Variants in C2orf76 observed in about 807,000 individuals in gnomAD.
C2orf76 encodes the protein chromosome 2 open reading frame 76.
In C2orf76, 23 loss-of-function variants were observed where a neutral mutation model predicts 16.9. The ratio of observed to expected loss-of-function variants is 1.36; its 90% confidence interval spans 0.98 to 1.93. C2orf76 has a LOEUF of 1.93. C2orf76 is among the 30% of genes most tolerant of loss of function. The pLI is 0.00. For synonymous variants in C2orf76, 48 were observed against 52.3 expected (o/e 0.92, Z 0.35); for missense variants, 152 against 152.6 (o/e 1.00, Z 0.02).
At chr2:119,342,751 G>GTTGT (rs112996931) in intron 1 of C2orf76, among the ~76,000 whole-genome samples, 20,887 of 151,528 alleles carry the variant, frequency 0.14, 1,893 homozygotes, top group African/African-American at 0.26. Context: ...AGGTATATGG[G>GTTGT]TTGTTTGTTT....
At chr2:119,361,943 G>A (rs1203003171) in intron 1 of C2orf76, among the ~76,000 whole-genome samples, 1 of 152,126 alleles carries the variant, frequency 6.6e-6, no homozygotes, top group Non-Finnish European at 1.5e-5. Flanking sequence ...GCCTAGGCTG[G>A]AGTGTAGTGG....
intron 4 of C2orf76, among the ~76,000 whole-genome samples, chr2:119,316,012 G>A (rs544272779): frequency 1.3e-5 from 2 of 152,316 alleles, no homozygotes; most frequent in South Asian, 4.1e-4. Context: ...GCCAAATGAT[G>A]TAGAACATGC....
At chr2:119,307,952 C>T (rs1315077689) in intron 5 of C2orf76, among the ~76,000 whole-genome samples, 2 of 152,160 alleles carry the variant, frequency 1.3e-5, no homozygotes, top group Admixed American at 6.5e-5. Flanking sequence ...CACATCACTC[C>T]GGATGCCTTC....
intron 5 of C2orf76, among the ~76,000 whole-genome samples, chr2:119,309,638 T>A (rs1356851302): frequency 1.3e-5 from 2 of 152,076 alleles, no homozygotes; most frequent in Non-Finnish European, 2.9e-5. Flanking sequence ...CAAGCTGGTC[T>A]CGAATTCCTG....
the C2orf76 span, among the ~76,000 whole-genome samples, chr2:119,292,488 G>A: frequency 2.6e-5 from 4 of 152,000 alleles, no homozygotes; most frequent in South Asian, 2.1e-4. Context: ...GCAGTGACCC[G>A]AGTCAGACCG....
At chr2:119,334,703 A>ATAT (rs376852438) in intron 2 of C2orf76, among the ~76,000 whole-genome samples, 22,318 of 145,814 alleles carry the variant, frequency 0.15, 1,891 homozygotes, top group Non-Finnish European at 0.2. Context: ...AAAAAAACAA[A>ATAT]ATATATATAT....
intron 2 of C2orf76, among the ~76,000 whole-genome samples, chr2:119,334,114 T>A (rs1414951353): frequency 1.3e-5 from 2 of 151,938 alleles, no homozygotes; most frequent in African/African-American, 4.8e-5. Flanking sequence ...TATTTCTAAG[T>A]AAAAGAAGCC....
upstream of C2orf76, chr2:119,366,863 C>G (rs187270866): frequency 1.7e-4 from 127 of 741,880 alleles, no homozygotes; most frequent in African/African-American, 1.8e-3. Context: ...GCGGGGCTAG[C>G]GCCGCGGCGG....
intron 2 of C2orf76, among the ~76,000 whole-genome samples, chr2:119,334,692 G>GA (rs371801316): frequency 0.25 from 32,402 of 129,146 alleles, 3,969 homozygotes; most frequent in Middle Eastern, 0.29. Context: ...CTCTCTCTCA[G>GA]AAAAAAACAA....
At chr2:119,283,388 C>A in the C2orf76 span, among the ~76,000 whole-genome samples, 1 of 152,222 alleles carries the variant, frequency 6.6e-6, no homozygotes, top group African/African-American at 2.4e-5. Context: ...GCCCTTCCTG[C>A]CTCCTCCTTC....
chr2:119,365,854 A>C (rs925614867), intron 1 of C2orf76, among the ~76,000 whole-genome samples: 4 of 151,970 alleles, frequency 2.6e-5, no homozygotes, highest in African/African-American at 9.7e-5. Flanking sequence ...CCTCTTTTCA[A>C]ACCCTTTTAC....
chr2:119,290,592 G>A, the C2orf76 span, among the ~76,000 whole-genome samples: 1 of 152,060 alleles, frequency 6.6e-6, no homozygotes, highest in East Asian at 1.9e-4. Flanking sequence ...CACTTTGGGA[G>A]GCGAAGGCGG....
intron 4 of C2orf76, among the ~76,000 whole-genome samples, chr2:119,312,416 T>C (rs1370107287): frequency 2.0e-5 from 3 of 151,938 alleles, no homozygotes; most frequent in Non-Finnish European, 4.4e-5. Context: ...GCCTGGCTAA[T>C]TTTTTTTATT....
chr2:119,366,652 A>C (rs1681016324), intron 1 of C2orf76, 138 bp downstream of exon 1: 3 of 419,788 alleles, frequency 7.1e-6, no homozygotes, highest in African/African-American at 6.2e-5. Context: ...AAAGAAAAGA[A>C]ACATAAGGAC....
intron 1 of C2orf76, among the ~76,000 whole-genome samples, chr2:119,344,914 G>A (rs1680150608): frequency 6.6e-6 from 1 of 152,070 alleles, no homozygotes; most frequent in East Asian, 1.9e-4. Flanking sequence ...CAAATTAGTG[G>A]GGAAAAGATA....
intron 3 of C2orf76, among the ~76,000 whole-genome samples, chr2:119,320,634 C>T (rs1243111374): frequency 6.6e-6 from 1 of 152,124 alleles, no homozygotes; most frequent in Non-Finnish European, 1.5e-5. Context: ...AAAATGTCTG[C>T]ACCAATTAAG....
chr2:119,352,425 A>G (rs1054023681), intron 1 of C2orf76, among the ~76,000 whole-genome samples: 3 of 152,230 alleles, frequency 2.0e-5, no homozygotes, highest in African/African-American at 7.2e-5. Flanking sequence ...CTATCTTACT[A>G]TGTAAACAAG....
intron 2 of C2orf76, among the ~76,000 whole-genome samples, chr2:119,324,612 A>T (rs922106915): frequency 2.0e-5 from 3 of 152,196 alleles, no homozygotes; most frequent in Non-Finnish European, 4.4e-5. Flanking sequence ...AATATTCATG[A>T]AAGAATACAT....
chr2:119,365,674 T>C (rs933124201), intron 1 of C2orf76, among the ~76,000 whole-genome samples: 1 of 152,190 alleles, frequency 6.6e-6, no homozygotes, highest in African/African-American at 2.4e-5. Flanking sequence ...TTTTCCATCA[T>C]TTCCCTCTCT....
Sources: gnomAD v4.1 joint callset for allele counts (sites outside exome capture counted in the v4.1 genomes callset) on GRCh38, gnomAD v4.1.1 for gene constraint, MANE v1.5 for transcripts, NCBI Gene and HGNC (gene_info 2026-07-23, HGNC 2026-07-21) for gene names.